ATXN1: variants seen among roughly 807,000 people sequenced by gnomAD.
ATXN1 encodes the protein ataxin-1.
A neutral mutation model predicts 56.4 loss-of-function variants in ATXN1; 8 were observed. The ratio of observed to expected loss-of-function variants is 0.14; its 90% confidence interval spans 0.08 to 0.26. The LOEUF (loss-of-function observed/expected upper bound fraction) is 0.26. Ranked by LOEUF, ATXN1 falls within the 10% of genes least tolerant of loss-of-function variation. The probability of loss-of-function intolerance (pLI) is 1.00; values close to 1 mark genes in which losing one functional copy is unlikely to be tolerated. For synonymous variants in ATXN1, 514 were observed against 494.6 expected (o/e 1.04, Z -0.52); for missense variants, 987 against 1,106.5 (o/e 0.89, Z 1.53).
At chr6:16,695,784 C>A (rs1247530729) in intron 2 of ATXN1, among the ~76,000 whole-genome samples, 1 of 152,046 alleles carries the variant, frequency 6.6e-6, no homozygotes, top group Non-Finnish European at 1.5e-5. Context: ...TGGAATGAGA[C>A]CCTGTCTTTA....
intron 5 of ATXN1, among the ~76,000 whole-genome samples, chr6:16,516,525 T>A (rs556552701): frequency 3.2e-4 from 48 of 152,298 alleles, no homozygotes; most frequent in African/African-American, 9.9e-4. Context: ...GATAAAAAGA[T>A]CAAAGCAGAC....
intron 6 of ATXN1, among the ~76,000 whole-genome samples, chr6:16,468,987 G>A (rs1175107845): frequency 6.6e-6 from 1 of 152,102 alleles, no homozygotes; most frequent in African/African-American, 2.4e-5. Context: ...AAAAATACAG[G>A]AAGTTAGATT....
intron 2 of ATXN1, among the ~76,000 whole-genome samples, chr6:16,704,459 G>T (rs201513034): frequency 6.6e-6 from 1 of 152,082 alleles, no homozygotes; most frequent in Non-Finnish European, 1.5e-5. Flanking sequence ...CTTGCCCAGG[G>T]ACTGCCATAA....
intron 2 of ATXN1, among the ~76,000 whole-genome samples, chr6:16,678,914 T>C (rs566670506): frequency 1.2e-4 from 19 of 152,150 alleles, no homozygotes; most frequent in African/African-American, 4.6e-4. Context: ...AGCATGCCTA[T>C]AATCCCAGCT....
intron 6 of ATXN1, among the ~76,000 whole-genome samples, chr6:16,378,715 C>T (rs1762194655): frequency 1.3e-5 from 2 of 152,068 alleles, no homozygotes; most frequent in South Asian, 4.1e-4. Context: ...CACACCACCA[C>T]CCCTGGCTAA....
In ATXN1 at chr6:16,302,848, T is replaced by C. The variant is rs1175424667; in HGVS notation, c.*3481A>G. 1 of 152,672 alleles carries C rather than the reference T, an allele frequency of 6.5e-6. No homozygotes were observed. The highest frequency in any genetic ancestry group is 2.4e-5 in the African/African-American group (1 of 41,456). 9.5% of individuals were successfully genotyped at this position (152,672 alleles called of 1,614,324 possible). A position where few individuals can be genotyped will look rare whatever the true frequency, so the allele number is the denominator to read the frequency against. ...AGGCACATGGCTGATCCTTGTAAGC[T>C]GAACGGCACCGAAGAATTTCTACCC... On this transcript the variant is annotated 3_prime_UTR_variant, in exon 8 of 8. Transcript: ENST00000436367.
chr6:16,380,943 G>A (rs1758094025), intron 6 of ATXN1, among the ~76,000 whole-genome samples: 1 of 152,186 alleles, frequency 6.6e-6, no homozygotes, highest in African/African-American at 2.4e-5. Context: ...GTTAAGATGA[G>A]GTCATCCTGG....
intron 2 of ATXN1, among the ~76,000 whole-genome samples, chr6:16,701,541 A>G (rs1203930834): frequency 2.6e-5 from 4 of 152,232 alleles, no homozygotes; most frequent in Non-Finnish European, 4.4e-5. Flanking sequence ...GAGGAAGTCA[A>G]ATTGTCCCTG....
chr6:16,570,229 C>T (rs559545211), intron 4 of ATXN1, among the ~76,000 whole-genome samples: 1 of 152,278 alleles, frequency 6.6e-6, no homozygotes, highest in African/African-American at 2.4e-5. Flanking sequence ...TATAATACTT[C>T]AAGTTTTTAT....
At position 16,484,198 on chromosome 6, in the gene ATXN1, A is replaced by G. The variant is rs188040813; in HGVS notation, c.-161+1774T>C. Among the ~76,000 whole-genome samples, 31 of 152,282 alleles carry G rather than the reference A, an allele frequency of 2.0e-4. No homozygotes were observed. The East Asian group carries it at 6.0e-3, about 29-fold the overall frequency. On this transcript the variant is annotated intron_variant, in intron 6 of 7. Transcript: ENST00000436367. The stretch of plus-strand genomic sequence containing the variant: ...CTGTAATCAAAACATTTTGGGAAGC[A>G]GAGGCGGGAGGATCACTTGAGCTCA...
chr6:16,471,262 G>A (rs557213957), intron 6 of ATXN1, among the ~76,000 whole-genome samples: 1 of 151,710 alleles, frequency 6.6e-6, no homozygotes, highest in African/African-American at 2.4e-5. Flanking sequence ...AGATGAACAG[G>A]TCTTCTGCGA....
At position 16,327,482 on chromosome 6, in the gene ATXN1, T is replaced by A. The variant is rs1194714619; in HGVS notation, c.829A>T (p.Ile277Phe). ...PVHLHPHQTMIPHTLTLGPPS... is the reference protein window; with the variant it reads ...PVHLHPHQTMFPHTLTLGPPS... Reference sequence around the variant, plus strand: ...GGCCCCAGGGTGAGCGTGTGTGGGATCATCGTCTGGTGGGGGTGGAGGTGG... The same window carrying A: ...GGCCCCAGGGTGAGCGTGTGTGGGAACATCGTCTGGTGGGGGTGGAGGTGG... The change falls in exon 7 of 8, where the codon ATC becomes TTC. Residue 277 changes from isoleucine to phenylalanine, a missense_variant. By Grantham distance (21) the Ile-to-Phe change is conservative (BLOSUM62 0). Around this residue, in one of 3 missense-constraint regions of ATXN1, gnomAD observed 723 missense variants for 791.7 expected, o/e 0.91. Transcript: ENST00000436367. 6.2e-7 allele frequency: 1 copy of A among 1,613,158 alleles called. No individual in the cohort carries two copies. The highest frequency in any genetic ancestry group is 2.2e-5 in the East Asian group (1 of 44,872).
intron 6 of ATXN1, among the ~76,000 whole-genome samples, chr6:16,442,826 A>T (rs1036175980): frequency 6.6e-6 from 1 of 152,200 alleles, no homozygotes; most frequent in Admixed American, 6.5e-5. Flanking sequence ...AGCCTGGCCA[A>T]CATGGCAAAA....
chr6:16,674,050 T>TA (rs201268223), intron 2 of ATXN1, among the ~76,000 whole-genome samples: 3,358 of 152,138 alleles, frequency 0.022, 68 homozygotes, highest in Middle Eastern at 0.085. Context: ...TCTAACGTGT[T>TA]TTATATATAT....
At chr6:16,717,021 G>A (rs902151176) in intron 2 of ATXN1, among the ~76,000 whole-genome samples, 3 of 152,304 alleles carry the variant, frequency 2.0e-5, no homozygotes, top group Non-Finnish European at 2.9e-5. Flanking sequence ...CCTAGTTAGC[G>A]GTTTATAGTA....
At chr6:16,502,937 G>A (rs1193730250) in intron 5 of ATXN1, among the ~76,000 whole-genome samples, 2 of 152,186 alleles carry the variant, frequency 1.3e-5, no homozygotes, top group African/African-American at 4.8e-5. Context: ...ACTGTGAGGT[G>A]AGGTTCAGAA....
chr6:16,562,262 A>G (rs1762132503), intron 4 of ATXN1, among the ~76,000 whole-genome samples: 1 of 151,262 alleles, frequency 6.6e-6, no homozygotes. Context: ...AGTCCCAGCT[A>G]TTTGGGAGGC....
chr6:16,759,695 C>A (rs958185994), intron 1 of ATXN1, among the ~76,000 whole-genome samples: 1 of 151,864 alleles, frequency 6.6e-6, no homozygotes, highest in Non-Finnish European at 1.5e-5. Context: ...TCCTTAGAAA[C>A]GGATTTTTTT....
At chr6:16,532,022 G>C (rs573781916) in intron 4 of ATXN1, among the ~76,000 whole-genome samples, 1 of 152,286 alleles carries the variant, frequency 6.6e-6, no homozygotes, top group Admixed American at 6.5e-5. Flanking sequence ...CATCTCCATT[G>C]CAACTACTCA....
Sources: gnomAD v4.1 joint callset for allele counts (sites outside exome capture counted in the v4.1 genomes callset) on GRCh38, gnomAD v4.1.1 for gene constraint, gnomAD v4.1.1 regional missense constraint, MANE v1.5 for transcripts, NCBI Gene and HGNC (gene_info 2026-07-23, HGNC 2026-07-21) for gene names.